PTPRD: variants seen among roughly 807,000 people sequenced by gnomAD.
The protein encoded by PTPRD is receptor-type tyrosine-protein phosphatase delta.
A neutral mutation model predicts 214.5 loss-of-function variants in PTPRD; 34 were observed. That is an observed-to-expected ratio of 0.16 (90% CI 0.12 to 0.21). PTPRD has a LOEUF of 0.21. Ranked by LOEUF, PTPRD falls within the 10% of genes least tolerant of loss-of-function variation. PTPRD has a pLI of 1.00. For synonymous variants in PTPRD, 1,128 were observed against 845.7 expected (o/e 1.33, Z -5.79); for missense variants, 2,545 against 2,398.7 (o/e 1.06, Z -1.27).
At chr9:8,375,819 G>T (rs1418090490) in intron 39 of PTPRD, 117 bp downstream of exon 39, 3 of 1,226,734 alleles carry the variant, frequency 2.4e-6, no homozygotes, top group Non-Finnish European at 3.3e-6. Context: ...CCAAAAGAGA[G>T]CTGTATTATT....
chr9:9,479,865 A>G (rs2095326245), intron 8 of PTPRD, among the ~76,000 whole-genome samples: 1 of 152,158 alleles, frequency 6.6e-6, no homozygotes, highest in African/African-American at 2.4e-5. Context: ...TCTAATGAAG[A>G]TGGCTGCAGG....
chr9:9,972,848 A>G (rs916256541), intron 4 of PTPRD, among the ~76,000 whole-genome samples: 1 of 152,060 alleles, frequency 6.6e-6, no homozygotes, highest in Admixed American at 6.5e-5. Flanking sequence ...TCTTTCTTAT[A>G]AGGAGCCTTC....
At chr9:9,996,042 C>T (rs2096111046) in intron 4 of PTPRD, among the ~76,000 whole-genome samples, 3 of 152,166 alleles carry the variant, frequency 2.0e-5, no homozygotes, top group Admixed American at 6.5e-5. Flanking sequence ...ATTTCCAGCT[C>T]GAGTCTCATT....
At chr9:10,499,875 T>C (rs943835942) in intron 2 of PTPRD, among the ~76,000 whole-genome samples, 3 of 151,876 alleles carry the variant, frequency 2.0e-5, no homozygotes, top group African/African-American at 4.8e-5. Context: ...GTTATAGATA[T>C]ATCTTTTTAA....
chr9:8,679,687 G>A (rs191142631), intron 12 of PTPRD, among the ~76,000 whole-genome samples: 79 of 152,356 alleles, frequency 5.2e-4, no homozygotes, highest in African/African-American at 1.8e-3. Flanking sequence ...GAATAGTGAT[G>A]TGATGTTTTC....
In PTPRD at chr9:9,540,750, T is replaced by C. The variant is rs192379389; in HGVS notation, c.-237+33982A>G. 6.8e-4 allele frequency among the ~76,000 whole-genome samples: 103 copies of C among 151,974 alleles called. No homozygotes were observed. In the Middle Eastern group the frequency reaches 0.01, roughly 15 times the overall value. ...TAAAATCTCCTCTTTTGGTTTCTAC[T>C]TCCTCTGTGCCACCAGTAAATGAAA... On this transcript the variant is annotated intron_variant, in intron 8 of 45. Coordinates refer to ENST00000381196, the MANE Select transcript of PTPRD (RefSeq NM_002839.4).
intron 10 of PTPRD, among the ~76,000 whole-genome samples, chr9:9,046,302 G>C (rs1254883274): frequency 2.0e-5 from 3 of 152,136 alleles, no homozygotes; most frequent in Non-Finnish European, 4.4e-5. Context: ...TGCCATCTTA[G>C]AAGATATCCA....
intron 2 of PTPRD, among the ~76,000 whole-genome samples, chr9:10,455,320 A>C (rs1396083428): frequency 6.6e-6 from 1 of 151,548 alleles, no homozygotes; most frequent in Non-Finnish European, 1.5e-5. Flanking sequence ...CCTCCTTTCG[A>C]CCTTTAAAAA....
intron 12 of PTPRD, among the ~76,000 whole-genome samples, chr9:8,641,937 G>A (rs2096585805): frequency 6.6e-6 from 1 of 152,186 alleles, no homozygotes; most frequent in Non-Finnish European, 1.5e-5. Flanking sequence ...AAATGTAGGT[G>A]AGAGAACCAA....
intron 12 of PTPRD, among the ~76,000 whole-genome samples, chr9:8,667,058 G>A (rs1362820019): frequency 1.3e-5 from 2 of 152,136 alleles, no homozygotes; most frequent in African/African-American, 4.8e-5. Context: ...AAACCAGAAG[G>A]CCAGGCGCCA....
intron 3 of PTPRD, among the ~76,000 whole-genome samples, chr9:10,286,404 G>A (rs188410125): frequency 2.0e-3 from 304 of 151,974 alleles, no homozygotes; most frequent in African/African-American, 6.9e-3. Context: ...ATTGTGTCAT[G>A]GCACTCCAGC....
intron 3 of PTPRD, among the ~76,000 whole-genome samples, chr9:10,223,642 C>T (rs944400118): frequency 5.4e-5 from 8 of 149,460 alleles, no homozygotes; most frequent in Non-Finnish European, 8.9e-5. Context: ...TGCACTCCAG[C>T]TTGGGTGACA....
intron 3 of PTPRD, among the ~76,000 whole-genome samples, chr9:10,297,693 A>G (rs981355022): frequency 3.9e-5 from 6 of 152,052 alleles, no homozygotes; most frequent in Non-Finnish European, 8.8e-5. Flanking sequence ...TCATATTCAT[A>G]TGGAGTAATG....
chr9:8,581,913 CAAAAAAAAAAAAAAAAAA>C (rs36007156), intron 14 of PTPRD, among the ~76,000 whole-genome samples: 4 of 34,964 alleles, frequency 1.1e-4, no homozygotes, highest in East Asian at 4.2e-3. Flanking sequence ...ACTCAATCTC[CAAAAAAAAAAAAAAAAAA>C]AAAAAAAAAA....
intron 6 of PTPRD, among the ~76,000 whole-genome samples, chr9:9,765,816 A>G (rs1597196636): frequency 6.8e-6 from 1 of 147,836 alleles, no homozygotes; most frequent in South Asian, 2.1e-4. Context: ...ACCCACCACC[A>G]CCCCTGGCTA....
chr9:9,302,845 C>T (rs1054790539), intron 9 of PTPRD, among the ~76,000 whole-genome samples: 1 of 151,698 alleles, frequency 6.6e-6, no homozygotes, highest in African/African-American at 2.4e-5. Context: ...CCTTTAAAAC[C>T]ACCCGTAGTT....
chr9:8,702,803 T>C (rs1292833274), intron 12 of PTPRD, among the ~76,000 whole-genome samples: 2 of 152,140 alleles, frequency 1.3e-5, no homozygotes, highest in African/African-American at 4.8e-5. Flanking sequence ...AAGACGGGGT[T>C]TCACCATGTT....
intron 8 of PTPRD, among the ~76,000 whole-genome samples, chr9:9,502,934 C>T (rs2096464180): frequency 6.6e-6 from 1 of 151,832 alleles, no homozygotes; most frequent in Non-Finnish European, 1.5e-5. Flanking sequence ...ATTAGATTGA[C>T]TGCAAAGGAG....
intron 2 of PTPRD, among the ~76,000 whole-genome samples, chr9:10,409,819 T>C (rs1191653730): frequency 1.3e-5 from 2 of 151,682 alleles, no homozygotes; most frequent in Non-Finnish European, 2.9e-5. Flanking sequence ...ATCTAAGGCC[T>C]CTTACTAACA....
Sources: gnomAD v4.1 joint callset for allele counts (sites outside exome capture counted in the v4.1 genomes callset) on GRCh38, gnomAD v4.1.1 for gene constraint, MANE v1.5 for transcripts, NCBI Gene and HGNC (gene_info 2026-07-23, HGNC 2026-07-21) for gene names.